Variants in MAP7D2 observed in about 807,000 individuals in gnomAD.
The protein encoded by MAP7D2 is MAP7 domain containing 2, also known as MAP7 domain-containing protein 2.
A neutral mutation model predicts 63.5 loss-of-function variants in MAP7D2; 33 were observed. That is an observed-to-expected ratio of 0.52 (90% CI 0.39 to 0.70). The LOEUF (loss-of-function observed/expected upper bound fraction) is 0.70. MAP7D2 is among the 30% of genes least tolerant of loss of function. MAP7D2 has a pLI of 0.00. For synonymous variants in MAP7D2, 224 were observed against 223.7 expected (o/e 1.00, Z -0.01); for missense variants, 626 against 604.0 (o/e 1.04, Z -0.38).
intron 1 of MAP7D2, among the ~76,000 whole-genome samples, chrX:20,103,689 T>A (rs763554869): frequency 1.4e-4 from 16 of 112,244 alleles, no homozygotes; most frequent in African/African-American, 4.5e-4. Flanking sequence ...TCAATTTTTT[T>A]AAATTTAGAA....
At chrX:20,083,743 T>C (rs1454000175) in intron 1 of MAP7D2, among the ~76,000 whole-genome samples, 1 of 112,038 alleles carries the variant, frequency 8.9e-6, no homozygotes, top group African/African-American at 3.3e-5. Flanking sequence ...TACATTCTAA[T>C]ACTGTGGTTC....
At chrX:20,056,632 A>G in intron 4 of MAP7D2, 48 bp downstream of exon 4, 1 of 1,083,018 alleles carries the variant, frequency 9.2e-7, no homozygotes, top group South Asian at 1.9e-5. Context: ...TGCCTGCTCC[A>G]TTATTTCCCA....
At chrX:20,052,309 G>A in intron 5 of MAP7D2, 1 of 180,073 alleles carries the variant, frequency 5.6e-6, no homozygotes, top group Non-Finnish European at 1.1e-5. Flanking sequence ...TTCTGGAACT[G>A]GCACACGTCC....
intron 1 of MAP7D2, among the ~76,000 whole-genome samples, chrX:20,099,246 C>G (rs2066361838): frequency 9.4e-6 from 1 of 106,096 alleles, no homozygotes; most frequent in Non-Finnish European, 2.0e-5. Flanking sequence ...CTCTCTCTCT[C>G]TCTCTCTCTC....
chrX:20,024,179 G>A (rs1312438545), intron 10 of MAP7D2, among the ~76,000 whole-genome samples: 2 of 111,961 alleles, frequency 1.8e-5, no homozygotes, highest in Admixed American at 9.4e-5. Flanking sequence ...TGATAAAATC[G>A]ACCTTGTCCT....
chrX:20,044,506 C>A lies in MAP7D2; in HGVS notation c.737G>T (p.Arg246Leu). ...GTTAAGAGGGCCAAGAGGAGCTAAA[C>A]GAGGACAGACATGGAATACTAGAAA... ...ANDSVFHVCPRLAPLGPLNPS... is the reference protein window; with the variant it reads ...ANDSVFHVCPLLAPLGPLNPS... The change falls in exon 7 of 17, where the codon CGT becomes CTT. Residue 246 changes from arginine to leucine, a missense_variant. Physicochemically the swap from Arg to Leu is moderately radical, Grantham distance 102 (BLOSUM62 -2). Transcript: ENST00000379643. 8.3e-7 allele frequency: 1 copy of A among 1,209,542 alleles called. No individual in the cohort carries two copies. The highest frequency in any genetic ancestry group is 3.0e-5 in the East Asian group (1 of 33,811).
intron 1 of MAP7D2, among the ~76,000 whole-genome samples, chrX:20,077,103 T>C (rs772398421): frequency 1.8e-5 from 2 of 112,176 alleles, no homozygotes; most frequent in South Asian, 7.4e-4. Context: ...AAACTTGGCA[T>C]GTAATCATCA....
intron 1 of MAP7D2, among the ~76,000 whole-genome samples, chrX:20,082,525 G>A (rs1156531701): frequency 1.8e-5 from 2 of 112,315 alleles, no homozygotes; most frequent in Non-Finnish European, 3.8e-5. Flanking sequence ...AGATCTGTGC[G>A]TCTGGCATCC....
At chrX:20,111,408 G>T (rs1008561567) in intron 1 of MAP7D2, among the ~76,000 whole-genome samples, 2 of 112,121 alleles carry the variant, frequency 1.8e-5, no homozygotes, top group African/African-American at 6.5e-5. Flanking sequence ...AAAAGGCAAG[G>T]CTTCAGGGTA....
At chrX:20,051,736 C>CA (rs1335863362) in intron 5 of MAP7D2, among the ~76,000 whole-genome samples, 7 of 111,836 alleles carry the variant, frequency 6.3e-5, no homozygotes, top group Admixed American at 2.8e-4. Context: ...ATACTTTTTA[C>CA]ATGTCAATAA....
chrX:20,034,968 T>C (rs939490215), intron 8 of MAP7D2, among the ~76,000 whole-genome samples: 1 of 111,846 alleles, frequency 8.9e-6, no homozygotes, highest in Non-Finnish European at 1.9e-5. Context: ...GGCTCTGCTA[T>C]AATGTCACCT....
intron 10 of MAP7D2, 145 bp downstream of exon 10, chrX:20,024,806 C>T: frequency 1.7e-6 from 1 of 581,534 alleles, no homozygotes; most frequent in Non-Finnish European, 2.7e-6. Context: ...GTCTCCTGAA[C>T]ACCTTCCATG....
intron 8 of MAP7D2, among the ~76,000 whole-genome samples, chrX:20,028,385 A>T (rs1442270606): frequency 1.8e-5 from 2 of 112,035 alleles, no homozygotes; most frequent in African/African-American, 6.5e-5. Flanking sequence ...CAATTAGATG[A>T]TAAACTAAAA....
rs998692320 is a variant in MAP7D2 at position 20,010,247 on chromosome X, A to G, written c.*26+530T>C. Among the ~76,000 whole-genome samples, 3 of 112,006 alleles carry G rather than the reference A, an allele frequency of 2.7e-5. No homozygotes were observed. The Admixed American group carries it at 2.8e-4, about 11-fold the overall frequency. Reference sequence around the variant, plus strand: ...AAATAAAAAAAGGCCAAAGGTGGGGAAAAAACCTTCAAGACACAAAAACTG... The same window carrying G: ...AAATAAAAAAAGGCCAAAGGTGGGGGAAAAACCTTCAAGACACAAAAACTG... On this transcript the variant is annotated intron_variant, in intron 16 of 16. Transcript: ENST00000379643.
chrX:20,036,903 CAAAAA>C (rs59036515), intron 8 of MAP7D2, among the ~76,000 whole-genome samples: 3 of 29,726 alleles, frequency 1.0e-4, no homozygotes, highest in South Asian at 2.5e-3. Flanking sequence ...GACTCCATCT[CAAAAA>C]AAAAAAAAAA....
chrX:20,027,757 G>GGAGAGAGAGAGAGAGA (rs56796954), intron 8 of MAP7D2, among the ~76,000 whole-genome samples: 2 of 76,247 alleles, frequency 2.6e-5, no homozygotes, highest in African/African-American at 1.1e-4. Flanking sequence ...GAAGGCGGGG[G>GGAGAGAGAGAGAGAGA]GAGAGAGAGA....
chrX:20,096,449 GAAAAA>G (rs1356994526), intron 1 of MAP7D2, among the ~76,000 whole-genome samples: 1 of 90,273 alleles, frequency 1.1e-5, no homozygotes, highest in African/African-American at 4.1e-5. Context: ...AAAAAAAAAA[GAAAAA>G]AAAGAAATTC....
intron 1 of MAP7D2, among the ~76,000 whole-genome samples, chrX:20,084,545 T>TTCCCCCCCCCCCCCCCCCCCCCCCCCCCC (rs2065859087): frequency 1.8e-4 from 10 of 55,388 alleles, no homozygotes; most frequent in East Asian, 7.4e-4. Flanking sequence ...TTCCTTCCTG[T>TTCCCCCCCCCCCCCCCCCCCCCCCCCCCC]TCCCTCCCTC....
intron 1 of MAP7D2, among the ~76,000 whole-genome samples, chrX:20,104,593 G>A (rs766571168): frequency 8.9e-6 from 1 of 112,540 alleles, no homozygotes; most frequent in Non-Finnish European, 1.9e-5. Context: ...GAGCCACCAC[G>A]CCTGGCCTAG....
Sources: gnomAD v4.1 joint callset for allele counts (sites outside exome capture counted in the v4.1 genomes callset) on GRCh38, gnomAD v4.1.1 for gene constraint, MANE v1.5 for transcripts, NCBI Gene and HGNC (gene_info 2026-07-23, HGNC 2026-07-21) for gene names.